Variants in TSNARE1 observed in about 807,000 individuals in gnomAD.
TSNARE1 encodes t-SNARE domain-containing protein 1.
TSNARE1 carries 49 observed loss-of-function variants against 62.0 expected under a neutral mutation model. That is an observed-to-expected ratio of 0.79 (90% confidence interval 0.63 to 1.00). TSNARE1 has a LOEUF of 1.00. Ranked by LOEUF, TSNARE1 falls within the 50% of genes least tolerant of loss-of-function variation. TSNARE1 has a pLI of 0.00. For missense variants in TSNARE1, 755 were observed against 700.1 expected (o/e 1.08, Z -0.88); for synonymous variants, 328 against 294.4 (o/e 1.11, Z -1.17).
At chr8:142,303,711 G>A (rs756464215) in intron 9 of TSNARE1, among the ~76,000 whole-genome samples, 8 of 152,302 alleles carry the variant, frequency 5.3e-5, no homozygotes, top group South Asian at 2.1e-4. Context: ...AGGCAGGTGC[G>A]AGGCTAGGAG....
chr8:142,288,906 G>A (rs138676827), intron 10 of TSNARE1, among the ~76,000 whole-genome samples: 1 of 152,364 alleles, frequency 6.6e-6, no homozygotes, highest in Non-Finnish European at 1.5e-5. Context: ...TAGCACCATG[G>A]GCTCATGCGT....
intron 12 of TSNARE1, among the ~76,000 whole-genome samples, chr8:142,261,582 A>G (rs1818890339): frequency 1.3e-5 from 2 of 152,010 alleles, no homozygotes; most frequent in Admixed American, 1.3e-4. Context: ...GCATTGACCC[A>G]TGTGAGCCCC....
At chr8:142,268,234 G>A (rs1029233502) in intron 12 of TSNARE1, among the ~76,000 whole-genome samples, 1 of 152,210 alleles carries the variant, frequency 6.6e-6, no homozygotes, top group Non-Finnish European at 1.5e-5. Context: ...TGGCCTCTCG[G>A]CATCTGAGCA....
chr8:142,239,459 G>T (rs557619414), intron 12 of TSNARE1, among the ~76,000 whole-genome samples: 2 of 152,358 alleles, frequency 1.3e-5, no homozygotes, highest in African/African-American at 4.8e-5. Context: ...GGGCTAGGAC[G>T]ATGTCTAACC....
intron 1 of TSNARE1, among the ~76,000 whole-genome samples, chr8:142,396,679 G>A (rs1231925824): frequency 6.6e-6 from 1 of 152,202 alleles, no homozygotes. Flanking sequence ...TCTGATTTCT[G>A]CCTCTGATCA....
intron 10 of TSNARE1, among the ~76,000 whole-genome samples, chr8:142,294,665 C>T (rs549015545): frequency 4.7e-4 from 72 of 152,332 alleles, no homozygotes; most frequent in African/African-American, 1.7e-3. Context: ...AGGGTCCATA[C>T]AGGGCCGGCA....
chr8:142,281,228 G>A (rs1821396669), intron 11 of TSNARE1, among the ~76,000 whole-genome samples: 1 of 152,154 alleles, frequency 6.6e-6, no homozygotes, highest in African/African-American at 2.4e-5. Context: ...AGGCCCGTGG[G>A]CACCAGGGGC....
At position 142,214,590 on chromosome 8, in the gene TSNARE1, G is replaced by A. The variant is rs549197214; in HGVS notation, c.*12-2277C>T. Among the ~76,000 whole-genome samples the A allele has an allele frequency of 1.2e-4, 18 of 152,284 alleles. No individual in the cohort carries two copies. The East Asian group carries it at 2.7e-3, about 23-fold the overall frequency. Reference sequence around the variant, plus strand: ...ATGATTTTCCCTGCACCCCACTCTCGGTGAGGCCTGTTTAAAATCACAACC... The same window carrying A: ...ATGATTTTCCCTGCACCCCACTCTCAGTGAGGCCTGTTTAAAATCACAACC... On this transcript the variant is annotated intron_variant, in intron 13 of 13. Coordinates refer to ENST00000524325, the MANE Select transcript of TSNARE1 (RefSeq NM_145003.5).
chr8:142,255,395 TTACCATCACCACCAC>T (rs1309577987), intron 12 of TSNARE1, among the ~76,000 whole-genome samples: 3 of 128,452 alleles, frequency 2.3e-5, no homozygotes, highest in African/African-American at 6.0e-5. Flanking sequence ...ACCACCACCA[TTACCATCACCACCAC>T]CATCACCATC....
chr8:142,259,994 G>GC (rs1491169912), intron 12 of TSNARE1, among the ~76,000 whole-genome samples: 1 of 151,884 alleles, frequency 6.6e-6, no homozygotes, highest in Non-Finnish European at 1.5e-5. Flanking sequence ...GTGCCCTCGG[G>GC]CCGCAGAGGC....
intron 9 of TSNARE1, among the ~76,000 whole-genome samples, chr8:142,308,641 A>G (rs1483410679): frequency 6.6e-6 from 1 of 152,178 alleles, no homozygotes; most frequent in Non-Finnish European, 1.5e-5. Context: ...GCCTCACACA[A>G]ACACCACACT....
chr8:142,328,807 A>C (rs1173486202), intron 6 of TSNARE1, among the ~76,000 whole-genome samples: 2 of 113,796 alleles, frequency 1.8e-5, no homozygotes, highest in African/African-American at 7.8e-5. Context: ...GGTCTGTGAC[A>C]GGGAGGCCTT....
At position 142,314,086 on chromosome 8, in the gene TSNARE1, T is replaced by C. The variant is rs914921704; in HGVS notation, c.1131+298A>G. On this transcript the variant is annotated intron_variant, in intron 9 of 13. Transcript: ENST00000524325. ...GAGCCACCGCGCCCGGCCACGTGTG[T>C]GTGTGTGTTTTCACCCAGGTTTCAC... Among the ~76,000 whole-genome samples, 9 of 152,176 alleles carry C rather than the reference T, an allele frequency of 5.9e-5. No individual in the cohort carries two copies. The East Asian group carries it at 1.7e-3, about 29-fold the overall frequency.
At chr8:142,249,049 C>T (rs1025862514) in intron 12 of TSNARE1, among the ~76,000 whole-genome samples, 1 of 152,258 alleles carries the variant, frequency 6.6e-6, no homozygotes, top group Non-Finnish European at 1.5e-5. Flanking sequence ...AATGCTACCT[C>T]CCCAACAGGA....
At chr8:142,388,983 G>T (rs1350359408) in intron 1 of TSNARE1, among the ~76,000 whole-genome samples, 1 of 152,180 alleles carries the variant, frequency 6.6e-6, no homozygotes, top group African/African-American at 2.4e-5. Context: ...TGAGGATAAA[G>T]AACACCTGAC....
chr8:142,279,614 A>G (rs1369912718), intron 11 of TSNARE1, among the ~76,000 whole-genome samples: 3 of 152,144 alleles, frequency 2.0e-5, no homozygotes, highest in African/African-American at 4.8e-5. Flanking sequence ...GAGGACCCTG[A>G]GCTGGAACCG....
chr8:142,218,065 AGCAGGATCAGGGTTCAGAGAGTGG>A lies in TSNARE1; in HGVS notation c.*12-5776_*12-5753del, dbSNP rs1402543101. ...GACCAGGATCAGGGCTCAGAGTGTG[AGCAGGATCAGGGTTCAGAGAGTGG>A]CCAGGTCAGGGCTCAGTGTGTGACC... On this transcript the variant is annotated intron_variant, in intron 13 of 13. Transcript: ENST00000524325. Among the ~76,000 whole-genome samples, 12 of 116,842 alleles carry A rather than the reference AGCAGGATCAGGGTTCAGAGAGTGG, an allele frequency of 1.0e-4. 2 individuals carry two copies. The highest frequency in any genetic ancestry group is 1.6e-4 in the Admixed American group (2 of 12,380). The allele number at this position is 116,842 out of a possible 152,430, so 76.7% of individuals were successfully genotyped here.
upstream of TSNARE1, chr8:142,406,867 AGCACAG>A (rs1838590603): frequency 6.6e-6 from 1 of 152,258 alleles, no homozygotes; most frequent in Admixed American, 6.5e-5. Flanking sequence ...ACACAGCCCC[AGCACAG>A]GACAGTGGTC....
At chr8:142,302,329 G>A (rs932075951) in intron 9 of TSNARE1, among the ~76,000 whole-genome samples, 8 of 152,140 alleles carry the variant, frequency 5.3e-5, no homozygotes, top group African/African-American at 1.4e-4. Context: ...TGACTCGTCC[G>A]GCCACTGGTC....
Sources: gnomAD v4.1 joint callset for allele counts (sites outside exome capture counted in the v4.1 genomes callset) on GRCh38, gnomAD v4.1.1 for gene constraint, MANE v1.5 for transcripts, NCBI Gene and HGNC (gene_info 2026-07-23, HGNC 2026-07-21) for gene names.